COL21A1: variants seen among roughly 807,000 people sequenced by gnomAD.
The protein encoded by COL21A1 is collagen type XXI alpha 1 chain, also known as collagen alpha-1(XXI) chain.
A neutral mutation model predicts 137.9 loss-of-function variants in COL21A1; 149 were observed. The observed-to-expected ratio is 1.08, with a 90% confidence interval of 0.95 to 1.24. The LOEUF is 1.24. Among genes scored for constraint, COL21A1 ranks in the 50% most tolerant of loss-of-function variants. The pLI is 0.00. For missense variants in COL21A1, 1,167 were observed against 1,158.4 expected (o/e 1.01, Z -0.11); for synonymous variants, 456 against 391.5 (o/e 1.16, Z -1.95).
chr6:56,327,721 A>C (rs1159657740), intron 1 of COL21A1, among the ~76,000 whole-genome samples: 2 of 152,078 alleles, frequency 1.3e-5, no homozygotes, highest in Admixed American at 1.3e-4. Context: ...CCTGAGGTCA[A>C]ATCCTGGCTC....
chr6:56,324,166 C>T (rs1470363031), intron 1 of COL21A1, among the ~76,000 whole-genome samples: 1 of 151,992 alleles, frequency 6.6e-6, no homozygotes, highest in East Asian at 1.9e-4. Flanking sequence ...TATGGTCTTC[C>T]CCACCCCTGA....
intron 1 of COL21A1, among the ~76,000 whole-genome samples, chr6:56,187,072 A>G (rs1021581408): frequency 6.6e-6 from 1 of 152,182 alleles, no homozygotes; most frequent in African/African-American, 2.4e-5. Flanking sequence ...TAAAGAAAAT[A>G]CATTTATTTT....
intron 25 of COL21A1, 131 bp from the exon 26 acceptor site, chr6:56,061,168 C>T (rs1027823965): frequency 1.2e-5 from 9 of 743,784 alleles, no homozygotes; most frequent in South Asian, 7.9e-5. Flanking sequence ...AAGGAATAGC[C>T]GGAAATATTG....
intron 1 of COL21A1, among the ~76,000 whole-genome samples, chr6:56,345,747 T>G (rs377594328): frequency 3.1e-4 from 47 of 152,314 alleles, no homozygotes; most frequent in African/African-American, 1.1e-3. Context: ...TCCAGGAGAG[T>G]TTTGGAAATA....
At position 56,127,556 on chromosome 6, in the gene COL21A1, C is replaced by T. The variant is rs571527975; in HGVS notation, c.1543-1407G>A. 2.1e-4 allele frequency among the ~76,000 whole-genome samples: 32 copies of T among 152,224 alleles called. No individual in the cohort carries two copies. In the South Asian group the frequency reaches 4.4e-3, roughly 21 times the overall value. ...CAATGGCTTCCTGAGAAGGAATACA[C>T]GGGAGATTACTTTCTGATACCTTAA... On this transcript the variant is annotated intron_variant, in intron 12 of 29. Coordinates refer to ENST00000244728, the MANE Select transcript of COL21A1 (RefSeq NM_030820.4).
intron 12 of COL21A1, among the ~76,000 whole-genome samples, chr6:56,128,136 T>C (rs62412820): frequency 0.15 from 22,835 of 152,114 alleles, 1,751 homozygotes; most frequent in Middle Eastern, 0.22. Flanking sequence ...TCAGGGACTG[T>C]CAGAATCTAA....
chr6:56,334,816 T>G (rs531674578), intron 1 of COL21A1, among the ~76,000 whole-genome samples: 1 of 152,300 alleles, frequency 6.6e-6, no homozygotes, highest in African/African-American at 2.4e-5. Context: ...AATGGGTTAG[T>G]TATCACGGGA....
chr6:56,265,447 C>T (rs1763371601), intron 1 of COL21A1, among the ~76,000 whole-genome samples: 1 of 152,234 alleles, frequency 6.6e-6, no homozygotes, highest in African/African-American at 2.4e-5. Context: ...AGACAACTGT[C>T]CCTTTCCCGT....
intron 10 of COL21A1, among the ~76,000 whole-genome samples, chr6:56,154,947 C>T (rs2152255245): frequency 6.6e-6 from 1 of 152,148 alleles, no homozygotes; most frequent in Non-Finnish European, 1.5e-5. Context: ...TTCAGGGGTA[C>T]ATGTGCAGGT....
intron 1 of COL21A1, among the ~76,000 whole-genome samples, chr6:56,306,269 T>C (rs1221980173): frequency 1.4e-5 from 2 of 147,072 alleles, no homozygotes; most frequent in African/African-American, 2.5e-5. Flanking sequence ...TGAATCTGAA[T>C]GTTGGCCTGC....
chr6:56,321,569 T>A (rs1268611145), intron 1 of COL21A1, among the ~76,000 whole-genome samples: 3 of 152,180 alleles, frequency 2.0e-5, no homozygotes, highest in Non-Finnish European at 2.9e-5. Flanking sequence ...AAAAGTAAAT[T>A]TGAGCAATTT....
At chr6:56,225,758 G>A (rs753300832) in intron 1 of COL21A1, 8 of 151,596 alleles carry the variant, frequency 5.3e-5, no homozygotes, top group African/African-American at 1.7e-4. Context: ...CAATAATTAC[G>A]GGAACAAAAA....
chr6:56,359,776 C>G (rs1765924421), intron 1 of COL21A1, among the ~76,000 whole-genome samples: 1 of 152,102 alleles, frequency 6.6e-6, no homozygotes, highest in African/African-American at 2.4e-5. Context: ...AGATCCTTTG[C>G]AAGATTGATG....
intron 1 of COL21A1, among the ~76,000 whole-genome samples, chr6:56,263,623 G>A (rs373280330): frequency 2.6e-5 from 4 of 152,272 alleles, no homozygotes; most frequent in African/African-American, 4.8e-5. Flanking sequence ...GAAGCTAAGC[G>A]CATGTCCCCA....
intron 1 of COL21A1, among the ~76,000 whole-genome samples, chr6:56,218,100 A>C (rs2152310589): frequency 6.6e-6 from 1 of 152,254 alleles, no homozygotes; most frequent in Non-Finnish European, 1.5e-5. Context: ...GTCTAAATAC[A>C]ATTTAGTACC....
At chr6:56,264,455 C>T (rs540156059) in intron 1 of COL21A1, among the ~76,000 whole-genome samples, 1 of 152,180 alleles carries the variant, frequency 6.6e-6, no homozygotes, top group Non-Finnish European at 1.5e-5. Flanking sequence ...CCTATCTACC[C>T]AACAATTAAA....
At chr6:56,287,779 G>A (rs1035936492) in intron 1 of COL21A1, among the ~76,000 whole-genome samples, 7 of 152,018 alleles carry the variant, frequency 4.6e-5, no homozygotes, top group Non-Finnish European at 2.9e-5. Context: ...AGACTATACT[G>A]GATTATCCAG....
intron 16 of COL21A1, among the ~76,000 whole-genome samples, chr6:56,103,582 CTAA>C (rs1208105806): frequency 6.6e-6 from 1 of 151,964 alleles, no homozygotes; most frequent in Non-Finnish European, 1.5e-5. Context: ...GTCCATTGAC[CTAA>C]TATCATTTTA....
At chr6:56,273,169 G>A (rs1015064514) in intron 1 of COL21A1, among the ~76,000 whole-genome samples, 1 of 152,096 alleles carries the variant, frequency 6.6e-6, no homozygotes, top group Non-Finnish European at 1.5e-5. Context: ...AAATTAAAAA[G>A]TTATTTGAAA....
Sources: allele counts gnomAD v4.1 joint callset (sites outside exome capture counted in the v4.1 genomes callset), GRCh38; gene constraint gnomAD v4.1.1; transcripts MANE v1.5; gene names NCBI Gene and HGNC (gene_info 2026-07-23, HGNC 2026-07-21).